Variants in SMIM36 observed in about 807,000 individuals in gnomAD.
The protein encoded by SMIM36 is small integral membrane protein 36.
At chr17:55,460,553 C>T (rs1218432039) in intron 4 of SMIM36, among the ~76,000 whole-genome samples, 7 of 151,616 alleles carry the variant, frequency 4.6e-5, no homozygotes, top group African/African-American at 7.3e-5. Context: ...ATACCATTTA[C>T]GTAAATTTAA....
At chr17:55,497,247 T>C (rs1909825739) in intron 1 of SMIM36, among the ~76,000 whole-genome samples, 1 of 152,166 alleles carries the variant, frequency 6.6e-6, no homozygotes. Flanking sequence ...TTCTGTATTC[T>C]ACCTTCTTAT....
intron 3 of SMIM36, among the ~76,000 whole-genome samples, chr17:55,472,643 C>T (rs775239095): frequency 5.3e-5 from 8 of 152,144 alleles, no homozygotes; most frequent in African/African-American, 1.9e-4. Context: ...GAGGCTGAGG[C>T]GGGCGGATCA....
At chr17:55,457,620 G>A (rs564786774) in intron 4 of SMIM36, among the ~76,000 whole-genome samples, 13 of 151,592 alleles carry the variant, frequency 8.6e-5, no homozygotes, top group Admixed American at 1.3e-4. Flanking sequence ...TCCGCCTCCC[G>A]GGTTCAAGCC....
chr17:55,493,798 C>CTT, intron 1 of SMIM36, among the ~76,000 whole-genome samples: 1 of 103,796 alleles, frequency 9.6e-6, no homozygotes, highest in Non-Finnish European at 1.8e-5. Context: ...CAGCAGAGCT[C>CTT]TCTCTCTCTC....
chr17:55,487,764 A>T (rs764256703), intron 1 of SMIM36, among the ~76,000 whole-genome samples: 2 of 152,180 alleles, frequency 1.3e-5, no homozygotes, highest in East Asian at 3.8e-4. Context: ...CATCACAGAA[A>T]GGAGAGAGTG....
At chr17:55,523,290 G>A in the SMIM36 span, among the ~76,000 whole-genome samples, 1 of 152,130 alleles carries the variant, frequency 6.6e-6, no homozygotes, top group South Asian at 2.1e-4. Flanking sequence ...CCAGTACTTT[G>A]GGAGGCTGAG....
intron 3 of SMIM36, among the ~76,000 whole-genome samples, chr17:55,474,746 G>A (rs964747703): frequency 1.4e-4 from 22 of 152,240 alleles, no homozygotes; most frequent in Admixed American, 3.9e-4. Flanking sequence ...TGTGGTGTGC[G>A]TGTGGTGTAA....
At chr17:55,501,272 T>TAA (rs1262235276) in intron 1 of SMIM36, among the ~76,000 whole-genome samples, 14 of 35,862 alleles carry the variant, frequency 3.9e-4, no homozygotes, top group African/African-American at 1.6e-3. Context: ...TTATAATATA[T>TAA]TATATTATAT....
intron 4 of SMIM36, among the ~76,000 whole-genome samples, chr17:55,462,227 A>T (rs1567863043): frequency 6.6e-6 from 1 of 152,200 alleles, no homozygotes; most frequent in Non-Finnish European, 1.5e-5. Flanking sequence ...ATACTTATTA[A>T]TACTTAATAA....
chr17:55,488,718 C>G (rs1363089341), intron 1 of SMIM36, among the ~76,000 whole-genome samples: 1 of 152,088 alleles, frequency 6.6e-6, no homozygotes, highest in Non-Finnish European at 1.5e-5. Context: ...CTTTATTCAT[C>G]TTTGTATACA....
At chr17:55,487,327 T>A (rs375942580) in intron 1 of SMIM36, among the ~76,000 whole-genome samples, 16 of 152,170 alleles carry the variant, frequency 1.1e-4, no homozygotes, top group African/African-American at 3.6e-4. Flanking sequence ...GTTGTGCACA[T>A]GTACCCTATA....
At chr17:55,450,379 C>T (rs1908889533) in intron 4 of SMIM36, 81 bp from the exon 5 acceptor site, 1 of 152,230 alleles carries the variant, frequency 6.6e-6, no homozygotes, top group South Asian at 2.1e-4. Context: ...CAAGTGAAAA[C>T]TAACAGCATA....
intron 1 of SMIM36, among the ~76,000 whole-genome samples, chr17:55,488,255 A>G (rs1312490255): frequency 7.2e-6 from 1 of 138,618 alleles, no homozygotes; most frequent in Non-Finnish European, 1.5e-5. Context: ...GGCTGGAAGC[A>G]CTTGCATCTG....
chr17:55,513,932 C>T (rs753550854), upstream of SMIM36, among the ~76,000 whole-genome samples: 1 of 152,000 alleles, frequency 6.6e-6, no homozygotes, highest in Non-Finnish European at 1.5e-5. Flanking sequence ...CGTGGTGTCC[C>T]GGAATGTTTT....
the SMIM36 span, among the ~76,000 whole-genome samples, chr17:55,518,900 C>T: frequency 6.6e-6 from 1 of 151,644 alleles, no homozygotes; most frequent in Non-Finnish European, 1.5e-5. Flanking sequence ...GAGGTAGGGA[C>T]AATGCTTCCA....
intron 1 of SMIM36, among the ~76,000 whole-genome samples, chr17:55,488,201 T>C (rs1355579964): frequency 6.6e-6 from 1 of 152,234 alleles, no homozygotes; most frequent in East Asian, 1.9e-4. Flanking sequence ...TGTCTGCTGA[T>C]TCTGCAGTAG....
intron 1 of SMIM36, among the ~76,000 whole-genome samples, chr17:55,490,772 C>T (rs1598454211): frequency 6.6e-6 from 1 of 152,038 alleles, no homozygotes; most frequent in Admixed American, 6.6e-5. Context: ...AAAAAGGTGT[C>T]AACTTGTACA....
upstream of SMIM36, among the ~76,000 whole-genome samples, chr17:55,515,084 G>GTTTTTTTTTTTTTTTTT (rs1567874075): frequency 3.0e-4 from 17 of 56,104 alleles, 7 homozygotes; most frequent in Non-Finnish European, 7.8e-4. Context: ...TTCTAGTCTA[G>GTTTTTTTTTTTTTTTTT]TGTTTTTTTT....
chr17:55,483,781 G>A (rs2143280305), intron 1 of SMIM36, among the ~76,000 whole-genome samples: 1 of 152,126 alleles, frequency 6.6e-6, no homozygotes, highest in South Asian at 2.1e-4. Context: ...TGATGTGTGT[G>A]TACCCGCTAA....
Sources: allele counts gnomAD v4.1 joint callset (sites outside exome capture counted in the v4.1 genomes callset), GRCh38; gene constraint gnomAD v4.1.1; transcripts MANE v1.5; gene names NCBI Gene and HGNC (gene_info 2026-07-23, HGNC 2026-07-21).